Variants in RBM20 observed in about 807,000 individuals in gnomAD.
The protein encoded by RBM20 is RNA binding motif protein 20, also known as RNA-binding protein 20.
A neutral mutation model predicts 110.1 loss-of-function variants in RBM20; 51 were observed. The ratio of observed to expected loss-of-function variants is 0.46; its 90% CI spans 0.37 to 0.59. The LOEUF (loss-of-function observed/expected upper bound fraction) is 0.59. Ranked by LOEUF, RBM20 falls within the 20% of genes least tolerant of loss-of-function variation. The pLI is 0.00. For missense variants in RBM20, 1,512 were observed against 1,574.9 expected, an observed-to-expected ratio of 0.96 and a Z score of 0.68; for synonymous variants, 589 against 618.2, an observed-to-expected ratio of 0.95 and a Z score of 0.70.
chr10:110,781,672 C>T lies in RBM20; in HGVS notation c.1063C>T (p.Pro355Ser), dbSNP rs998547889. 3.9e-6 allele frequency: 6 copies of T among 1,548,380 alleles called. No homozygotes were observed. The highest frequency in any genetic ancestry group is 5.2e-6 in the Non-Finnish European group (6 of 1,144,732). The change falls in exon 2 of 14, where the codon CCA becomes TCA. Residue 355 changes from proline to serine, a missense_variant. Physicochemically the swap from Pro to Ser is moderately conservative, Grantham distance 74. Transcript: ENST00000369519. ...QPYELYDPEE[P>S]TSDRTPPSFG... Reference sequence around the variant, plus strand: ...CTATGAGCTGTACGACCCCGAGGAACCAACCTCAGACAGGACACCTCCTTC... The same window carrying T: ...CTATGAGCTGTACGACCCCGAGGAATCAACCTCAGACAGGACACCTCCTTC...
At chr10:110,658,058 G>A (rs1862049620) in intron 1 of RBM20, among the ~76,000 whole-genome samples, 1 of 151,962 alleles carries the variant, frequency 6.6e-6, no homozygotes, top group African/African-American at 2.4e-5. Flanking sequence ...TCCTTCAATA[G>A]TTTTTCATTT....
At chr10:110,769,757 C>T (rs1471907319) in intron 1 of RBM20, among the ~76,000 whole-genome samples, 4 of 151,730 alleles carry the variant, frequency 2.6e-5, no homozygotes, top group African/African-American at 4.8e-5. Context: ...CTTGCTCACT[C>T]ACCCAGGCTG....
intron 6 of RBM20, 123 bp downstream of exon 6, chr10:110,797,771 T>C: frequency 9.6e-7 from 1 of 1,036,570 alleles, no homozygotes; most frequent in Non-Finnish European, 1.4e-6. Context: ...GCTGGCCTTC[T>C]GTTGGCATGG....
At chr10:110,645,823 C>A in intron 1 of RBM20, among the ~76,000 whole-genome samples, 1 of 152,176 alleles carries the variant, frequency 6.6e-6, no homozygotes, top group Non-Finnish European at 1.5e-5. Flanking sequence ...CCACTTGTGA[C>A]AACTTTTTGC....
At chr10:110,765,746 G>A (rs980041745) in intron 1 of RBM20, among the ~76,000 whole-genome samples, 2 of 152,040 alleles carry the variant, frequency 1.3e-5, no homozygotes, top group Admixed American at 6.6e-5. Flanking sequence ...CGGCATGGAC[G>A]GGGTGTCTTA....
intron 1 of RBM20, among the ~76,000 whole-genome samples, chr10:110,742,970 C>T (rs755591375): frequency 2.6e-5 from 4 of 152,314 alleles, no homozygotes; most frequent in East Asian, 1.9e-4. Context: ...CCCCGGAAGG[C>T]GGCCCGGGCT....
chr10:110,685,810 G>A (rs559777889), intron 1 of RBM20, among the ~76,000 whole-genome samples: 3 of 152,028 alleles, frequency 2.0e-5, no homozygotes, highest in African/African-American at 7.2e-5. Context: ...TTTTTTTTTC[G>A]GTATGCTTTG....
At chr10:110,714,906 C>A (rs1862993071) in intron 1 of RBM20, among the ~76,000 whole-genome samples, 1 of 152,134 alleles carries the variant, frequency 6.6e-6, no homozygotes, top group Non-Finnish European at 1.5e-5. Flanking sequence ...ATTGCCTTCC[C>A]AAATGATGTT....
chr10:110,686,817 T>G (rs1379081041), intron 1 of RBM20, among the ~76,000 whole-genome samples: 1 of 151,990 alleles, frequency 6.6e-6, no homozygotes. Flanking sequence ...GGCAGGCAGA[T>G]CATTTGAGGT....
intron 1 of RBM20, among the ~76,000 whole-genome samples, chr10:110,721,412 G>A (rs982062170): frequency 2.6e-5 from 4 of 152,166 alleles, no homozygotes; most frequent in East Asian, 3.8e-4. Context: ...AGTGGGCCTC[G>A]GAGTGGGCAG....
At chr10:110,784,505 T>A in intron 4 of RBM20, 73 bp downstream of exon 4, 1 of 1,136,654 alleles carries the variant, frequency 8.8e-7, no homozygotes, top group Non-Finnish European at 1.3e-6. Context: ...GTCCTGTCTT[T>A]AATAACCAGG....
Position 110,768,840 on chromosome 10 carries a change from A to G in RBM20, c.192-11961A>G, listed in dbSNP as rs149052110. ...TCTGGGGGAAATCTTGTTGCAAAAA[A>G]TATTTATCGATTTGCATGAAAAGGT... On this transcript the variant is annotated intron_variant, in intron 1 of 13. Coordinates refer to ENST00000369519, the MANE Select transcript of RBM20 (RefSeq NM_001134363.3). Among the ~76,000 whole-genome samples the G allele has an allele frequency of 5.1e-4, 77 of 152,334 alleles. No individual in the cohort carries two copies. In the East Asian group the frequency reaches 0.012, roughly 24 times the overall value.
At chr10:110,785,784 T>A (rs938143059) in intron 5 of RBM20, among the ~76,000 whole-genome samples, 1 of 152,108 alleles carries the variant, frequency 6.6e-6, no homozygotes, top group Admixed American at 6.5e-5. Context: ...TCCTGGACTT[T>A]CTAGCATTCA....
intron 1 of RBM20, among the ~76,000 whole-genome samples, chr10:110,645,723 T>A (rs1364217511): frequency 6.6e-6 from 1 of 152,206 alleles, no homozygotes; most frequent in Non-Finnish European, 1.5e-5. Flanking sequence ...TAGAAAGAAT[T>A]GTGAAAATTC....
intron 4 of RBM20, 31 bp from the exon 5 acceptor site, chr10:110,784,761 T>C (rs1283094889): frequency 2.1e-6 from 3 of 1,415,550 alleles, no homozygotes; most frequent in Non-Finnish European, 2.9e-6. Context: ...CATTCTGGGT[T>C]TTCACTGACT....
chr10:110,695,026 A>G (rs1862640597), intron 1 of RBM20, among the ~76,000 whole-genome samples: 1 of 152,182 alleles, frequency 6.6e-6, no homozygotes, highest in Admixed American at 6.5e-5. Context: ...TGACAGGGCA[A>G]AACTGAATTT....
At chr10:110,730,915 C>A (rs772988407) in intron 1 of RBM20, among the ~76,000 whole-genome samples, 79 of 152,174 alleles carry the variant, frequency 5.2e-4, no homozygotes, top group Non-Finnish European at 9.4e-4. Flanking sequence ...TGTCAAGCCG[C>A]CCCCCATCCT....
intron 1 of RBM20, among the ~76,000 whole-genome samples, chr10:110,707,656 C>T (rs1862862132): frequency 6.6e-6 from 1 of 152,048 alleles, no homozygotes; most frequent in Non-Finnish European, 1.5e-5. Flanking sequence ...ATAAGGTAGG[C>T]ACAGAAAGAC....
chr10:110,674,228 A>G (rs1862301049), intron 1 of RBM20, among the ~76,000 whole-genome samples: 1 of 152,206 alleles, frequency 6.6e-6, no homozygotes, highest in Non-Finnish European at 1.5e-5. Context: ...GATGGAAGTC[A>G]TTTTTGAGTT....
Sources: gnomAD v4.1 joint callset for allele counts (sites outside exome capture counted in the v4.1 genomes callset) on GRCh38, gnomAD v4.1.1 for gene constraint, MANE v1.5 for transcripts, NCBI Gene and HGNC (gene_info 2026-07-23, HGNC 2026-07-21) for gene names.